The following AARSD1 variants were observed in gnomAD, a reference collection of about 807,000 sequenced individuals.
AARSD1 encodes alanyl-tRNA editing protein Aarsd1.
AARSD1 carries 44 observed loss-of-function variants against 48.7 expected under a neutral mutation model. That is an observed-to-expected ratio of 0.90 (90% CI 0.71 to 1.16). The LOEUF is 1.16. Among genes scored for constraint, AARSD1 ranks in the 50% most tolerant of loss-of-function variants. AARSD1 has a pLI of 0.00. For synonymous variants in AARSD1, 189 were observed against 194.9 expected (o/e 0.97, Z 0.25); for missense variants, 511 against 523.1 (o/e 0.98, Z 0.23).
At chr17:42,956,907 T>C (rs999344050) in intron 4 of AARSD1, among the ~76,000 whole-genome samples, 7 of 146,874 alleles carry the variant, frequency 4.8e-5, no homozygotes, top group Non-Finnish European at 9.0e-5. Context: ...GACCTCGTGA[T>C]CCGCCCGCCT....
At position 42,950,549 on chromosome 17, in the gene AARSD1, A is replaced by T. The variant is rs750142934; in HGVS notation, c.*44T>A. 2 of 1,566,484 alleles carry T rather than the reference A, an allele frequency of 1.3e-6. No homozygotes were observed. Among genetic ancestry groups the T allele is most frequent in the Admixed American group, 1.9e-5 (1 of 52,238 alleles). On this transcript the variant is annotated 3_prime_UTR_variant, in exon 12 of 12. Coordinates refer to ENST00000427569, the MANE Select transcript of AARSD1 (RefSeq NM_001261434.2). ...CATTCTGAGTCAATCTATTTTATTG[A>T]CCAAAAGATTCCTGTGGAAACAGGA...
rs144610599 is a variant in AARSD1 at position 42,950,988 on chromosome 17, G to A, written c.1104-260C>T. Among the ~76,000 whole-genome samples, 571 of 151,418 alleles carry A rather than the reference G, an allele frequency of 3.8e-3. 3 individuals carry two copies. The highest frequency in any genetic ancestry group is 0.013 in the African/African-American group (524 of 41,258). ...AGCCTGACCAATAGGATGAAACCCC[G>A]TCTCTACTAAAAATAAAAAAATCAG... On this transcript the variant is annotated intron_variant, in intron 11 of 11. Coordinates refer to ENST00000427569, the MANE Select transcript of AARSD1 (RefSeq NM_001261434.2).
At chr17:42,955,765 CT>C in intron 7 of AARSD1, 76 bp downstream of exon 7, 1 of 1,592,694 alleles carries the variant, frequency 6.3e-7, no homozygotes, top group Non-Finnish European at 8.6e-7. Context: ...ACGATTGCAT[CT>C]TATCTCCCAG....
intron 10 of AARSD1, 101 bp downstream of exon 10, chr17:42,953,623 A>T (rs2049507728): frequency 2.7e-6 from 4 of 1,465,056 alleles, no homozygotes; most frequent in Non-Finnish European, 2.9e-6. Flanking sequence ...CCTCCTCCTC[A>T]TGTGTTCATG....
chr17:42,962,968 G>A (rs976786547), intron 2 of AARSD1, among the ~76,000 whole-genome samples: 1 of 152,074 alleles, frequency 6.6e-6, no homozygotes, highest in South Asian at 2.1e-4. Flanking sequence ...AGGCTGCAGT[G>A]AGCTAGATCA....
chr17:42,952,574 G>A (rs1321323502), intron 10 of AARSD1, among the ~76,000 whole-genome samples: 4 of 152,108 alleles, frequency 2.6e-5, no homozygotes, highest in African/African-American at 4.8e-5. Flanking sequence ...GGAGGCTGAC[G>A]TGGGAGGACT....
intron 2 of AARSD1, among the ~76,000 whole-genome samples, chr17:42,963,049 C>T (rs2049659151): frequency 6.6e-6 from 1 of 151,642 alleles, no homozygotes; most frequent in Admixed American, 6.6e-5. Flanking sequence ...AAGAAAATAA[C>T]CTGCATGGTT....
intron 3 of AARSD1, among the ~76,000 whole-genome samples, chr17:42,960,326 G>C (rs2049617086): frequency 6.6e-6 from 1 of 151,990 alleles, no homozygotes; most frequent in Non-Finnish European, 1.5e-5. Flanking sequence ...GAGCCAGACT[G>C]AATGTGGGGC....
At chr17:42,950,753 G>C in intron 11 of AARSD1, 25 bp from the exon 12 acceptor site, 1 of 1,586,996 alleles carries the variant, frequency 6.3e-7, no homozygotes. Context: ...TATAGTCAGG[G>C]AGACTTTGAG....
rs1276241347 is a variant in AARSD1, at chr17:42,957,178, C to T, written c.349G>A (p.Ala117Thr). The part of the protein sequence containing the change: ...QQHSGQHLIT[A>T]VADHLFKLKT... ...AGCTTAAATAGATGGTCAGCAACTG[C>T]CGTGATGAGATGCTGCCCTAAGCAA... The change falls in exon 4 of 12, where the codon GCA becomes ACA. Residue 117 changes from alanine (A) to threonine (T), a missense_variant. Ala to Thr is a moderately conservative substitution (Grantham distance 58). Transcript: ENST00000427569. The T allele has an allele frequency of 1.2e-6, 2 of 1,613,546 alleles. No individual in the cohort carries two copies. The highest frequency in any genetic ancestry group is 1.7e-6 in the Non-Finnish European group (2 of 1,179,896).
In AARSD1 at chr17:42,953,756, T is replaced by C. The variant is rs1418066335; in HGVS notation, c.976A>G (p.Met326Val). The C allele has an allele frequency of 1.2e-6, 2 of 1,614,188 alleles. No homozygotes were observed. The highest frequency in any genetic ancestry group is 3.3e-4 in the Middle Eastern group (2 of 6,062). ...CCAATCTCATTGGCAATGATATTCA[T>C]GAACTCTGAATCACCCTCCTTCCTA... ...LHRKEGDSEFMNIIANEIGSE... is the reference protein window; with the variant it reads ...LHRKEGDSEFVNIIANEIGSE... Residue 326 changes from methionine to valine, a missense_variant, in exon 10 of 12, where the codon ATG (methionine) becomes GTG (valine). Transcript: ENST00000427569.
intron 10 of AARSD1, among the ~76,000 whole-genome samples, chr17:42,953,189 A>C (rs924379867): frequency 3.0e-4 from 45 of 152,180 alleles, no homozygotes; most frequent in South Asian, 2.1e-4. Flanking sequence ...CATGTTGCCC[A>C]GGGTGGTCTC....
chr17:42,959,688 G>A (rs1364093952), intron 3 of AARSD1, among the ~76,000 whole-genome samples: 2 of 148,950 alleles, frequency 1.3e-5, no homozygotes, highest in East Asian at 2.0e-4. Flanking sequence ...TTTTTGAGAT[G>A]GAGTCTCGCT....
chr17:42,957,188 A>G lies in AARSD1; in HGVS notation c.339T>C (p.His113=), dbSNP rs771600940. The G allele has an allele frequency of 4.3e-6, 7 of 1,613,658 alleles. No homozygotes were observed. Among genetic ancestry groups the G allele is most frequent in the African/African-American group, 1.3e-5 (1 of 74,884 alleles). The change falls in exon 4 of 12, where the codon CAT becomes CAC. Residue 113 remains histidine (H), a synonymous_variant. Coordinates refer to ENST00000427569, the MANE Select transcript of AARSD1 (RefSeq NM_001261434.2). ...FDHMQQHSGQ[H]LITAVADHLF... is the part of the protein sequence containing the mutation. ...GATGGTCAGCAACTGCCGTGATGAG[A>G]TGCTGCCCTAAGCAAAGAGAGCCAG... is the stretch of plus-strand genomic sequence containing the variant.
intron 8 of AARSD1, 62 bp from the exon 9 acceptor site, chr17:42,955,029 T>G (rs1421993769): frequency 6.2e-7 from 1 of 1,611,306 alleles, no homozygotes; most frequent in East Asian, 2.2e-5. Flanking sequence ...AGTATCAGCT[T>G]CCCTCCACCT....
At chr17:42,959,242 G>A (rs1250009065) in intron 3 of AARSD1, among the ~76,000 whole-genome samples, 12 of 150,364 alleles carry the variant, frequency 8.0e-5, no homozygotes, top group African/African-American at 2.7e-4. Context: ...TTTTTGAGAC[G>A]GAGTCTTGCT....
Position 42,964,137 on chromosome 17 carries a change from T to A in AARSD1, c.140A>T (p.Asp47Val). 1 of 1,614,200 alleles carries A rather than the reference T, an allele frequency of 6.2e-7. No individual in the cohort carries two copies. The highest frequency in any genetic ancestry group is 8.5e-7 in the Non-Finnish European group (1 of 1,180,030). ...CCCGCCCTCAGGGAAAAGCACTGTG[T>A]CTTCCAGCACCACTTGGAAACCGCT... ...VLSGFQVVLE[D>V]TVLFPEGGGQ... Residue 47 changes from aspartate to valine, a missense_variant, in exon 2 of 12, where the codon GAC becomes GTC. Asp to Val is a radical substitution (Grantham distance 152). Coordinates refer to ENST00000427569, the MANE Select transcript of AARSD1 (RefSeq NM_001261434.2).
Position 42,953,947 on chromosome 17 carries a change from C to G in AARSD1, c.954-169G>C, listed in dbSNP as rs148312040. On this transcript the variant is annotated intron_variant, in intron 9 of 11. Transcript: ENST00000427569. ...CTGAAAGCCAGCAAGCTGCCCTTCT[C>G]AGCCTCTGCAGTTTGTAATCAACCT... is the stretch of plus-strand genomic sequence containing the variant. The G allele has an allele frequency of 1.8e-3, 1,325 of 733,854 alleles. 5 individuals are homozygous for G. The highest frequency in any genetic ancestry group is 1.5e-3 in the Non-Finnish European group (661 of 444,852). The allele number at this position is 733,854 out of a possible 1,614,324, so 45.5% of individuals were successfully genotyped here.
intron 1 of AARSD1, 54 bp downstream of exon 1, chr17:42,964,348 C>T (rs1024846260): frequency 1.0e-4 from 162 of 1,577,440 alleles, no homozygotes; most frequent in Middle Eastern, 5.2e-4. Context: ...CGCCCTCTTC[C>T]CCAAACCGCC....
Sources: gnomAD v4.1 joint callset for allele counts (sites outside exome capture counted in the v4.1 genomes callset) on GRCh38, gnomAD v4.1.1 for gene constraint, MANE v1.5 for transcripts, NCBI Gene and HGNC (gene_info 2026-07-23, HGNC 2026-07-21) for gene names.